Variants in SEZ6L observed in about 807,000 individuals in gnomAD.
SEZ6L encodes the protein seizure related 6 homolog like.
In SEZ6L, 37 loss-of-function variants were observed where a neutral mutation model predicts 106.2. That is an observed-to-expected ratio of 0.35 (90% CI 0.27 to 0.46). The LOEUF (loss-of-function observed/expected upper bound fraction) is 0.46, where lower values mean the gene tolerates loss of function less well. SEZ6L is among the 20% of genes least tolerant of loss of function. The pLI, the probability that SEZ6L is intolerant of heterozygous loss-of-function variation, is 1.00. For synonymous variants in SEZ6L, 541 were observed against 570.4 expected, an observed-to-expected ratio of 0.95 and a Z score of 0.73; for missense variants, 1,172 against 1,332.8, an observed-to-expected ratio of 0.88 and a Z score of 1.88.
intron 1 of SEZ6L, among the ~76,000 whole-genome samples, chr22:26,216,686 GAAAA>G (rs1348085388): frequency 6.6e-6 from 1 of 151,914 alleles, no homozygotes; most frequent in Non-Finnish European, 1.5e-5. Flanking sequence ...AAAAGAAAAA[GAAAA>G]AGAAATGGTC....
At chr22:26,196,403 G>T (rs1377037583) in intron 1 of SEZ6L, among the ~76,000 whole-genome samples, 1 of 152,096 alleles carries the variant, frequency 6.6e-6, no homozygotes, top group Non-Finnish European at 1.5e-5. Flanking sequence ...GTGCAAGAAC[G>T]CCCTAATACA....
chr22:26,333,249 G>A (rs190816768), intron 9 of SEZ6L, among the ~76,000 whole-genome samples: 9 of 152,360 alleles, frequency 5.9e-5, no homozygotes, highest in African/African-American at 1.2e-4. Context: ...ACAAGCCAGC[G>A]GGTTGGCTTT....
At chr22:26,285,251 T>C (rs530278487) in intron 1 of SEZ6L, among the ~76,000 whole-genome samples, 1 of 152,312 alleles carries the variant, frequency 6.6e-6, no homozygotes, top group South Asian at 2.1e-4. Flanking sequence ...GCAGAATGAA[T>C]GAATGAATGA....
intron 1 of SEZ6L, among the ~76,000 whole-genome samples, chr22:26,282,478 C>T (rs1172660353): frequency 1.3e-5 from 2 of 152,160 alleles, no homozygotes; most frequent in East Asian, 3.9e-4. Flanking sequence ...GTCTTCCTAG[C>T]CCTCATTTAC....
chr22:26,321,121 A>G (rs1463067101), intron 9 of SEZ6L, among the ~76,000 whole-genome samples: 1 of 152,218 alleles, frequency 6.6e-6, no homozygotes, highest in Non-Finnish European at 1.5e-5. Flanking sequence ...GATATTTAAT[A>G]TTTGCTGAGC....
intron 12 of SEZ6L, among the ~76,000 whole-genome samples, chr22:26,362,691 C>A (rs1320801564): frequency 6.6e-6 from 1 of 152,168 alleles, no homozygotes; most frequent in East Asian, 1.9e-4. Context: ...GGGTGCCCGC[C>A]AGAGCTATCT....
At position 26,306,241 on chromosome 22, in the gene SEZ6L, C is replaced by T. The variant is rs949873988; in HGVS notation, c.1514+97C>T. 7 of 1,369,188 alleles carry T rather than the reference C, an allele frequency of 5.1e-6. No homozygotes were observed. The Admixed American group carries it at 1.5e-4, about 28-fold the overall frequency. 84.8% of individuals were successfully genotyped at this position (1,369,188 alleles called of 1,614,324 possible). ...GTCTTGAAATGGCTGAAGCTTTGAC[C>T]CTCGGAATTCAAGAAAAGAAGAGCT... is the stretch of plus-strand genomic sequence containing the variant. On this transcript the variant is annotated intron_variant, in intron 6 of 16. Coordinates refer to ENST00000248933, the MANE Select transcript of SEZ6L (RefSeq NM_021115.5).
At position 26,292,614 on chromosome 22, in the gene SEZ6L, G is replaced by T. The variant is rs140909448; in HGVS notation, c.303G>T (p.Pro101=). 139 of 1,612,948 alleles carry T rather than the reference G, an allele frequency of 8.6e-5. 1 individual carries two copies. In the East Asian group the frequency reaches 1.9e-3, roughly 22 times the overall value. Reference sequence around the variant, plus strand: ...ATCACGACATCCCAGCCCTGTCACCGCTGCTTCCAGAGGAGGCCCGCCCCA... The same window carrying T: ...ATCACGACATCCCAGCCCTGTCACCTCTGCTTCCAGAGGAGGCCCGCCCCA... ...SAHHDIPALS[P]LLPEEARPKH... is the part of the protein sequence containing the mutation. Residue 101 remains proline (P), a synonymous_variant, in exon 2 of 17, where the codon CCG becomes CCT. Coordinates refer to ENST00000248933, the MANE Select transcript of SEZ6L (RefSeq NM_021115.5).
At chr22:26,212,078 G>A (rs2078177311) in intron 1 of SEZ6L, among the ~76,000 whole-genome samples, 1 of 152,070 alleles carries the variant, frequency 6.6e-6, no homozygotes. Flanking sequence ...GGGGAGCAAG[G>A]ACAGACTATT....
rs2081383942 is a variant in SEZ6L at position 26,299,237 on chromosome 22, A to T, written c.1348+68A>T. 7 of 1,232,462 alleles carry T rather than the reference A, an allele frequency of 5.7e-6. No homozygotes were observed. In the Admixed American group the frequency reaches 1.2e-4, roughly 22 times the overall value. The allele number at this position is 1,232,462 out of a possible 1,614,324, so 76.3% of individuals were successfully genotyped here. ...AAGAGGGGAAAGACCAACCTGTAGG[A>T]CACCGAGAGTGACCTCAGGGAATGG... is the stretch of plus-strand genomic sequence containing the variant. On this transcript the variant is annotated intron_variant, in intron 5 of 16. Coordinates refer to ENST00000248933, the MANE Select transcript of SEZ6L (RefSeq NM_021115.5).
chr22:26,253,691 C>T (rs771990270), intron 1 of SEZ6L, among the ~76,000 whole-genome samples: 8 of 152,140 alleles, frequency 5.3e-5, no homozygotes, highest in East Asian at 1.9e-4. Context: ...TGTATACATT[C>T]TCAATGAGGG....
chr22:26,355,124 GCA>G (rs2083401390), intron 12 of SEZ6L, among the ~76,000 whole-genome samples: 1 of 152,266 alleles, frequency 6.6e-6, no homozygotes, highest in Non-Finnish European at 1.5e-5. Flanking sequence ...AAAGGGAACA[GCA>G]CCCATTTGAT....
chr22:26,256,192 C>T (rs966694486), intron 1 of SEZ6L, among the ~76,000 whole-genome samples: 1 of 152,108 alleles, frequency 6.6e-6, no homozygotes, highest in Non-Finnish European at 1.5e-5. Context: ...ACTAGGTAAA[C>T]AATGAAAGGC....
intron 1 of SEZ6L, among the ~76,000 whole-genome samples, chr22:26,267,731 A>G (rs1038819298): frequency 2.0e-5 from 3 of 152,234 alleles, no homozygotes; most frequent in African/African-American, 7.2e-5. Flanking sequence ...CCCACAGAAT[A>G]GTGAATTTGG....
intron 1 of SEZ6L, among the ~76,000 whole-genome samples, chr22:26,189,175 C>A (rs1940007094): frequency 6.6e-6 from 1 of 152,166 alleles, no homozygotes; most frequent in South Asian, 2.1e-4. Flanking sequence ...CCCTCTACAC[C>A]AATGACTTAA....
At position 26,367,030 on chromosome 22, in the gene SEZ6L, A is replaced by T. The variant is rs148363505; in HGVS notation, c.2794+1464A>T. 3.8e-4 allele frequency among the ~76,000 whole-genome samples: 58 copies of T among 152,242 alleles called. No individual in the cohort carries two copies. The East Asian group carries it at 0.011, about 28-fold the overall frequency. On this transcript the variant is annotated intron_variant, in intron 13 of 16. Transcript: ENST00000248933. ...CCTGTTGAATGTCATTGTGTACTAA[A>T]ATATATATACATTTACATACATACA...
intron 13 of SEZ6L, among the ~76,000 whole-genome samples, chr22:26,366,406 T>C (rs1487379817): frequency 6.6e-6 from 1 of 152,020 alleles, no homozygotes; most frequent in Non-Finnish European, 1.5e-5. Context: ...AATGAAAATA[T>C]AAGCAGCCCA....
intron 1 of SEZ6L, among the ~76,000 whole-genome samples, chr22:26,188,789 C>T (rs1939981113): frequency 6.6e-6 from 1 of 152,192 alleles, no homozygotes; most frequent in Non-Finnish European, 1.5e-5. Flanking sequence ...TGTGGTCACT[C>T]TTAACCCGGG....
In SEZ6L at chr22:26,338,631, C is replaced by T. The variant is rs894221003; in HGVS notation, c.2016-1805C>T. 2.6e-5 allele frequency among the ~76,000 whole-genome samples: 4 copies of T among 152,212 alleles called. No individual in the cohort carries two copies. The East Asian group carries it at 5.8e-4, about 22-fold the overall frequency. ...CTGGAGTGCAGTGGCACAATCTCAG[C>T]TCACTTCAACCTCCACCTCCCAGGT... On this transcript the variant is annotated intron_variant, in intron 9 of 16. Transcript: ENST00000248933.
Sources: gnomAD v4.1 joint callset for allele counts (sites outside exome capture counted in the v4.1 genomes callset) on GRCh38, gnomAD v4.1.1 for gene constraint, MANE v1.5 for transcripts, NCBI Gene and HGNC (gene_info 2026-07-23, HGNC 2026-07-21) for gene names.